Variants in CSGALNACT1 observed in about 807,000 individuals in gnomAD.
The protein encoded by CSGALNACT1 is chondroitin sulfate N-acetylgalactosaminyltransferase 1, also known as beta4GalNAcT-1.
CSGALNACT1 carries 52 observed loss-of-function variants against 51.0 expected under a neutral mutation model. The observed-to-expected ratio is 1.02, with a 90% CI of 0.82 to 1.29. The LOEUF is 1.29. Among genes scored for constraint, CSGALNACT1 ranks in the 50% most tolerant of loss-of-function variants. The pLI is 0.00. For missense variants in CSGALNACT1, 935 were observed against 679.2 expected, an observed-to-expected ratio of 1.38 and a Z score of -4.19; for synonymous variants, 341 against 254.4, an observed-to-expected ratio of 1.34 and a Z score of -3.24.
intron 3 of CSGALNACT1, among the ~76,000 whole-genome samples, chr8:19,542,004 AAAG>A (rs1484793968): frequency 6.6e-6 from 1 of 152,184 alleles, no homozygotes; most frequent in African/African-American, 2.4e-5. Flanking sequence ...TGTTTACACA[AAAG>A]AAGAGAAAAC....
intron 5 of CSGALNACT1, among the ~76,000 whole-genome samples, chr8:19,453,672 G>T (rs1401653364): frequency 2.4e-4 from 37 of 152,196 alleles, no homozygotes; most frequent in Admixed American, 2.4e-3. Flanking sequence ...AGCATTTTGG[G>T]AGGCTGAGGT....
rs1365128847 is a variant in CSGALNACT1 at position 19,420,652 on chromosome 8, G to C, written c.954-134C>G. On this transcript the variant is annotated intron_variant, in intron 6 of 9. Transcript: ENST00000454498. ...ACCTGAGGGCACTGGGACTCCCCAA[G>C]AAGTTACAGAACGGCCCAGACTCAC... The C allele has an allele frequency of 2.1e-5, 19 of 908,814 alleles. No individual in the cohort carries two copies. In the South Asian group the frequency reaches 2.4e-4, roughly 11 times the overall value. The allele number at this position is 908,814 out of a possible 1,614,324, so 56.3% of individuals were successfully genotyped here. A position where few individuals can be genotyped will look rare whatever the true frequency, so the allele number is the denominator to read the frequency against.
rs796286356 is a variant in CSGALNACT1 at position 19,552,808 on chromosome 8, G to A, written c.-297+38352C>T. On this transcript the variant is annotated intron_variant, in intron 3 of 9. Coordinates refer to ENST00000454498, the Ensembl canonical transcript of CSGALNACT1. ...CTGTAGCTAAACAGAATGCTTATAAGAACAGAATGTAAAGAACTTTTCCTT... is the reference window on the plus strand; with the variant it reads ...CTGTAGCTAAACAGAATGCTTATAAAAACAGAATGTAAAGAACTTTTCCTT... Among the ~76,000 whole-genome samples the A allele has an allele frequency of 2.6e-5, 4 of 152,256 alleles. 1 individual carries two copies. The highest frequency in any genetic ancestry group is 9.6e-5 in the African/African-American group (4 of 41,570).
At chr8:19,568,186 A>T (rs922971761) in intron 3 of CSGALNACT1, among the ~76,000 whole-genome samples, 1 of 152,218 alleles carries the variant, frequency 6.6e-6, no homozygotes, top group Non-Finnish European at 1.5e-5. Flanking sequence ...TGCAAACATC[A>T]TATATTGTAC....
At chr8:19,446,400 G>T (rs1300127450) in intron 5 of CSGALNACT1, among the ~76,000 whole-genome samples, 1 of 152,072 alleles carries the variant, frequency 6.6e-6, no homozygotes, top group Non-Finnish European at 1.5e-5. Context: ...AACTTCCTAA[G>T]ATCCCTCCAG....
chr8:19,533,935 A>G (rs1369108351), intron 3 of CSGALNACT1, among the ~76,000 whole-genome samples: 1 of 152,180 alleles, frequency 6.6e-6, no homozygotes, highest in African/African-American at 2.4e-5. Flanking sequence ...CTATTACACC[A>G]AAATAATCTC....
intron 1 of CSGALNACT1, among the ~76,000 whole-genome samples, chr8:19,625,692 C>G (rs371383523): frequency 1.3e-5 from 2 of 152,194 alleles, no homozygotes; most frequent in East Asian, 1.9e-4. Context: ...TAAACAATCT[C>G]TTTAAACAAA....
intron 3 of CSGALNACT1, among the ~76,000 whole-genome samples, chr8:19,559,806 G>A (rs945863080): frequency 6.6e-6 from 1 of 152,204 alleles, no homozygotes; most frequent in Admixed American, 6.5e-5. Context: ...TTGTAAAGAT[G>A]TTGGTTCTCT....
chr8:19,611,136 G>T (rs1306072753), intron 1 of CSGALNACT1, among the ~76,000 whole-genome samples: 2 of 152,210 alleles, frequency 1.3e-5, no homozygotes, highest in African/African-American at 4.8e-5. Context: ...CCTGTTGCAT[G>T]AAAAGCTACA....
At chr8:19,617,132 G>A (rs554792505) in intron 1 of CSGALNACT1, among the ~76,000 whole-genome samples, 6 of 152,274 alleles carry the variant, frequency 3.9e-5, no homozygotes, top group African/African-American at 7.2e-5. Flanking sequence ...CATAAGGAGC[G>A]CACAACCTAG....
exon 10 of CSGALNACT1, chr8:19,405,232 G>A (rs962274949): frequency 1.3e-5 from 6 of 452,692 alleles, no homozygotes; most frequent in Non-Finnish European, 2.6e-5. Flanking sequence ...TTAATCTTGG[G>A]GAAAATATGA....
At chr8:19,593,375 G>A (rs2048239821) in intron 2 of CSGALNACT1, among the ~76,000 whole-genome samples, 1 of 152,214 alleles carries the variant, frequency 6.6e-6, no homozygotes, top group Non-Finnish European at 1.5e-5. Flanking sequence ...ATATGCAAGT[G>A]AAGTCTGCAT....
At chr8:19,594,120 A>C (rs2048397726) in intron 2 of CSGALNACT1, among the ~76,000 whole-genome samples, 1 of 152,168 alleles carries the variant, frequency 6.6e-6, no homozygotes. Flanking sequence ...ATAAAAGTTC[A>C]CCACTTACAA....
At chr8:19,514,509 A>ATATATATATATATATATG (rs2079123218) in intron 3 of CSGALNACT1, among the ~76,000 whole-genome samples, 1 of 140,592 alleles carries the variant, frequency 7.1e-6, no homozygotes, top group African/African-American at 2.7e-5. Flanking sequence ...ATATATATAT[A>ATATATATATATATATATG]TACATGTATC....
intron 3 of CSGALNACT1, among the ~76,000 whole-genome samples, chr8:19,556,192 TG>T (rs2039377901): frequency 6.6e-6 from 1 of 151,922 alleles, no homozygotes; most frequent in Non-Finnish European, 1.5e-5. Flanking sequence ...ATGACCAACG[TG>T]GTGAAACACT....
At chr8:19,634,758 G>C (rs933091382) in intron 1 of CSGALNACT1, among the ~76,000 whole-genome samples, 1 of 152,134 alleles carries the variant, frequency 6.6e-6, no homozygotes, top group Admixed American at 6.5e-5. Context: ...GCCAATAAGA[G>C]AGCCCTTACC....
chr8:19,496,849 T>G (rs1220065685), intron 4 of CSGALNACT1, among the ~76,000 whole-genome samples: 1 of 152,108 alleles, frequency 6.6e-6, no homozygotes, highest in East Asian at 1.9e-4. Flanking sequence ...TTTCGCAAGC[T>G]CTTTCTCCAG....
chr8:19,467,061 G>T lies in CSGALNACT1; in HGVS notation c.635-8419C>A, dbSNP rs373008652. ...TTCCTAATCCATCAGAAATGTCTAAGAACTCACTTAGAGTGCCTTCTCATT... is the reference window on the plus strand; with the variant it reads ...TTCCTAATCCATCAGAAATGTCTAATAACTCACTTAGAGTGCCTTCTCATT... On this transcript the variant is annotated intron_variant, in intron 4 of 9. Coordinates refer to ENST00000454498, the Ensembl canonical transcript of CSGALNACT1. Among the ~76,000 whole-genome samples the T allele has an allele frequency of 1.7e-4, 25 of 146,980 alleles. No individual in the cohort carries two copies. The East Asian group carries it at 4.8e-3, about 28-fold the overall frequency.
At chr8:19,596,064 T>G (rs190751050) in intron 2 of CSGALNACT1, among the ~76,000 whole-genome samples, 28 of 152,136 alleles carry the variant, frequency 1.8e-4, no homozygotes, top group Non-Finnish European at 3.7e-4. Context: ...ACAGGGGTCT[T>G]GTCATGTTGC....
Sources: gnomAD v4.1 joint callset for allele counts (sites outside exome capture counted in the v4.1 genomes callset) on GRCh38, gnomAD v4.1.1 for gene constraint, MANE v1.5 for transcripts, NCBI Gene and HGNC (gene_info 2026-07-23, HGNC 2026-07-21) for gene names.